Variants in ADGRF5 observed in about 807,000 individuals in gnomAD.
The protein encoded by ADGRF5 is G-protein coupled receptor 116.
Under a neutral mutation model 132.3 loss-of-function variants are expected in ADGRF5, and 75 were observed. The ratio of observed to expected loss-of-function variants is 0.57; its 90% CI spans 0.47 to 0.69. The LOEUF (loss-of-function observed/expected upper bound fraction) is 0.69, where lower values mean the gene tolerates loss of function less well. Ranked by LOEUF, ADGRF5 falls within the 30% of genes least tolerant of loss-of-function variation. ADGRF5 has a pLI of 0.00. For missense variants in ADGRF5, 1,516 were observed against 1,630.6 expected (o/e 0.93, Z 1.21); for synonymous variants, 629 against 597.6 (o/e 1.05, Z -0.77).
intron 10 of ADGRF5, among the ~76,000 whole-genome samples, chr6:46,877,314 C>T (rs1233907856): frequency 2.6e-3 from 56 of 21,572 alleles, no homozygotes; most frequent in African/African-American, 9.5e-3. Context: ...TCTTTCCTTC[C>T]TTCCTTCCTT....
rs113677435 is a variant in ADGRF5, at chr6:46,896,006, C to A, written c.157+4023G>T. 4.3e-3 allele frequency among the ~76,000 whole-genome samples: 647 copies of A among 152,190 alleles called. 6 individuals are homozygous for A. Among genetic ancestry groups the A allele is most frequent in the South Asian group, 0.027 (132 of 4,820 alleles). Reference sequence around the variant, plus strand: ...ATCCCCAAGTCACATCTGTCCAAGACCTTTTGCTGTGTTTTTCAAAATGTC... The same window carrying A: ...ATCCCCAAGTCACATCTGTCCAAGAACTTTTGCTGTGTTTTTCAAAATGTC... On this transcript the variant is annotated intron_variant, in intron 3 of 20. Coordinates refer to ENST00000283296, the MANE Select transcript of ADGRF5 (RefSeq NM_001098518.2).
At chr6:46,950,468 C>T (rs1778455431) in intron 1 of ADGRF5, among the ~76,000 whole-genome samples, 1 of 152,130 alleles carries the variant, frequency 6.6e-6, no homozygotes, top group Non-Finnish European at 1.5e-5. Context: ...TCATTTTCAC[C>T]ATCTTGGCCA....
At chr6:46,856,340 G>T (rs983334138) in intron 19 of ADGRF5, among the ~76,000 whole-genome samples, 6 of 152,200 alleles carry the variant, frequency 3.9e-5, no homozygotes, top group African/African-American at 1.4e-4. Context: ...ATGAACTACA[G>T]AAAATTCTAT....
At chr6:46,948,285 A>C (rs1778371584) in intron 1 of ADGRF5, among the ~76,000 whole-genome samples, 1 of 152,334 alleles carries the variant, frequency 6.6e-6, no homozygotes, top group Middle Eastern at 3.4e-3. Context: ...TAGGACCAAG[A>C]TGCAAAAACT....
chr6:46,937,221 A>AGTGTGTGTGTGT (rs10558166), intron 1 of ADGRF5, among the ~76,000 whole-genome samples: 12,193 of 146,682 alleles, frequency 0.083, 630 homozygotes, highest in Admixed American at 0.17. Context: ...GGCAATAAGG[A>AGTGTGTGTGTGT]GTGTGTGTGT....
Position 46,872,012 on chromosome 6 carries a change from T to A in ADGRF5, c.1242A>T (p.Gly414=), listed in dbSNP as rs748562381. 5.1e-6 allele frequency: 8 copies of A among 1,581,788 alleles called. No individual in the cohort carries two copies. The highest frequency in any genetic ancestry group is 6.9e-6 in the Non-Finnish European group (8 of 1,157,282). ...TAGAATCTATGTCTGTCTCAGGGGT[T>A]CCTATAATGAGAAGCAAATTGTTGC... The part of the protein sequence containing the change: ...WKQEGKINIP[G]TPETDIDSSC... The change falls in exon 11 of 21, where the codon GGA becomes GGT. Residue 414 remains glycine, a splice_region_variant and synonymous_variant. Transcript: ENST00000283296.
At chr6:46,870,314 G>A (rs1017791727) in intron 11 of ADGRF5, among the ~76,000 whole-genome samples, 1 of 151,996 alleles carries the variant, frequency 6.6e-6, no homozygotes, top group Non-Finnish European at 1.5e-5. Flanking sequence ...CCCCATGCCT[G>A]GCTAATTTTA....
rs543187584 is a variant in ADGRF5 at position 46,864,509 on chromosome 6, C to G, written c.1990+533G>C. On this transcript the variant is annotated intron_variant, in intron 14 of 20. Transcript: ENST00000283296. ...CCACAACATTTCTATTTAGCTCTTACTGTATTACATGTAATAATTTTTTTT... is the reference window on the plus strand; with the variant it reads ...CCACAACATTTCTATTTAGCTCTTAGTGTATTACATGTAATAATTTTTTTT... Among the ~76,000 whole-genome samples the G allele has an allele frequency of 9.8e-4, 148 of 150,668 alleles. 1 individual carries two copies. The highest frequency in any genetic ancestry group is 3.4e-3 in the Middle Eastern group (1 of 294).
intron 1 of ADGRF5, among the ~76,000 whole-genome samples, chr6:46,945,328 T>C (rs1778261992): frequency 6.6e-6 from 1 of 152,218 alleles, no homozygotes; most frequent in Admixed American, 6.5e-5. Flanking sequence ...TCAAAAATTA[T>C]ATTAAAATTA....
At chr6:46,863,287 A>C in intron 14 of ADGRF5, 191 bp from the exon 15 acceptor site, 1 of 682,698 alleles carries the variant, frequency 1.5e-6, no homozygotes, top group Non-Finnish European at 2.7e-6. Flanking sequence ...TTTCCACATG[A>C]ACCTGACTTC....
At chr6:46,888,302 C>T (rs769524792) in intron 4 of ADGRF5, 33 bp downstream of exon 4, 7 of 1,483,942 alleles carry the variant, frequency 4.7e-6, no homozygotes, top group Non-Finnish European at 6.6e-6. Context: ...GACATCCAAT[C>T]ATTTATTCTG....
At chr6:46,871,814 T>A in intron 11 of ADGRF5, 29 bp downstream of exon 11, 1 of 1,502,558 alleles carries the variant, frequency 6.7e-7, no homozygotes, top group Middle Eastern at 1.8e-4. Flanking sequence ...AACCTATTTA[T>A]GGCTAAAAAT....
At chr6:46,888,704 G>A (rs2474282) in intron 3 of ADGRF5, among the ~76,000 whole-genome samples, 199 bp from the exon 4 acceptor site, 1 of 152,204 alleles carries the variant, frequency 6.6e-6, no homozygotes, top group Non-Finnish European at 1.5e-5. Flanking sequence ...GCCAAGCACT[G>A]CTGTGTGAAG....
At position 46,865,284 on chromosome 6, in the gene ADGRF5, C is replaced by G. The variant is rs1450355311; in HGVS notation, c.1835-87G>C. ...TTAAGATAACCTAATATGAATAAAC[C>G]TGTCCAAGCTTTCCCGAGGAATGTG... On this transcript the variant is annotated intron_variant, in intron 13 of 20. Transcript: ENST00000283296. The G allele has an allele frequency of 4.5e-6, 4 of 896,732 alleles. No individual in the cohort carries two copies. In the East Asian group the frequency reaches 9.9e-5, roughly 22 times the overall value. The allele number at this position is 896,732 out of a possible 1,614,324, so 55.5% of individuals were successfully genotyped here. A position where few individuals can be genotyped will look rare whatever the true frequency, so the allele number is the denominator to read the frequency against.
upstream of ADGRF5, among the ~76,000 whole-genome samples, chr6:46,922,178 A>C (rs1777006517): frequency 6.6e-6 from 1 of 152,230 alleles, no homozygotes; most frequent in Non-Finnish European, 1.5e-5. Flanking sequence ...GGTTAGAGCT[A>C]ATGAGAAGTA....
chr6:46,881,382 G>A (rs1772443867), intron 8 of ADGRF5, 73 bp downstream of exon 8: 2 of 1,319,464 alleles, frequency 1.5e-6, no homozygotes, highest in African/African-American at 1.4e-5. Context: ...AGAGGACATT[G>A]TAGCATAAAC....
chr6:46,855,328 A>T (rs751183180), intron 20 of ADGRF5, among the ~76,000 whole-genome samples: 36 of 152,236 alleles, frequency 2.4e-4, no homozygotes, highest in Non-Finnish European at 5.0e-4. Flanking sequence ...CATGTACCAT[A>T]CTAAGCACTT....
intron 1 of ADGRF5, among the ~76,000 whole-genome samples, chr6:46,921,275 G>A (rs1776912294): frequency 6.6e-6 from 1 of 152,200 alleles, no homozygotes; most frequent in Admixed American, 6.5e-5. Context: ...CCCTCCTCCT[G>A]CTACTGGGAT....
At chr6:46,894,920 T>C (rs1215886430) in intron 3 of ADGRF5, among the ~76,000 whole-genome samples, 1 of 152,238 alleles carries the variant, frequency 6.6e-6, no homozygotes, top group Non-Finnish European at 1.5e-5. Flanking sequence ...GGCTTACGCC[T>C]GTAATACCAG....
Sources: gnomAD v4.1 joint callset for allele counts (sites outside exome capture counted in the v4.1 genomes callset) on GRCh38, gnomAD v4.1.1 for gene constraint, MANE v1.5 for transcripts, NCBI Gene and HGNC (gene_info 2026-07-23, HGNC 2026-07-21) for gene names.